Variants in FBXL13 observed in about 807,000 individuals in gnomAD.
FBXL13 encodes F-box and leucine-rich repeat protein 13.
Under a neutral mutation model 83.6 loss-of-function variants are expected in FBXL13, and 67 were observed. The ratio of observed to expected loss-of-function variants is 0.80; its 90% CI spans 0.66 to 0.98. The LOEUF is 0.98. Among genes scored for constraint, FBXL13 ranks in the 50% least tolerant of loss-of-function variants. FBXL13 has a pLI of 0.00. For missense variants in FBXL13, 822 were observed against 866.5 expected, an observed-to-expected ratio of 0.95 and a Z score of 0.64; for synonymous variants, 272 against 299.5, an observed-to-expected ratio of 0.91 and a Z score of 0.95.
intron 11 of FBXL13, among the ~76,000 whole-genome samples, chr7:102,900,258 T>C (rs1361014172): frequency 6.6e-6 from 1 of 152,200 alleles, no homozygotes; most frequent in African/African-American, 2.4e-5. Flanking sequence ...CCATGACATA[T>C]TTTGTTTACG....
intron 10 of FBXL13, among the ~76,000 whole-genome samples, chr7:102,924,766 G>A (rs1456588758): frequency 6.7e-6 from 1 of 149,078 alleles, no homozygotes; most frequent in Non-Finnish European, 1.5e-5. Context: ...CTCAGCCTCC[G>A]AGTAGCTGGG....
intron 6 of FBXL13, chr7:102,975,827 A>G (rs1334746798): frequency 1.1e-5 from 7 of 637,404 alleles, no homozygotes; most frequent in East Asian, 7.9e-5. Context: ...GTCTTTAACA[A>G]TCGTGATGAG....
At chr7:102,875,497 T>C (rs1809101250) in intron 16 of FBXL13, among the ~76,000 whole-genome samples, 1 of 152,066 alleles carries the variant, frequency 6.6e-6, no homozygotes, top group Admixed American at 6.6e-5. Context: ...AGAGAGAAAG[T>C]TGGAACCCCC....
chr7:103,006,299 G>T (rs185231578), intron 6 of FBXL13, among the ~76,000 whole-genome samples: 6 of 152,150 alleles, frequency 3.9e-5, no homozygotes, highest in African/African-American at 1.4e-4. Context: ...GTCTTTGACC[G>T]TATTCTAAGC....
At chr7:102,883,507 T>C in intron 13 of FBXL13, 40 bp from the exon 15 acceptor site, 1 of 1,595,892 alleles carries the variant, frequency 6.3e-7, no homozygotes, top group South Asian at 1.1e-5. Context: ...GTATTGTATT[T>C]AGAATGCCAC....
At chr7:102,956,557 T>G (rs1824304424) in intron 8 of FBXL13, among the ~76,000 whole-genome samples, 2 of 152,076 alleles carry the variant, frequency 1.3e-5, no homozygotes, top group African/African-American at 4.8e-5. Flanking sequence ...GAGAAAGAAA[T>G]AAAGGGTATT....
chr7:102,975,752 A>T, intron 6 of FBXL13: 1 of 591,234 alleles, frequency 1.7e-6, no homozygotes, highest in Non-Finnish European at 3.0e-6. Flanking sequence ...ATTCAGCGCC[A>T]GCTTCAAAAA....
At chr7:102,835,587 GAAGT>G (rs1322410322) in intron 17 of FBXL13, among the ~76,000 whole-genome samples, 2 of 144,866 alleles carry the variant, frequency 1.4e-5, no homozygotes, top group African/African-American at 5.0e-5. Context: ...TATGTTGCAA[GAAGT>G]AAGGTGACAT....
At chr7:103,002,315 A>G (rs1790486743) in intron 6 of FBXL13, among the ~76,000 whole-genome samples, 1 of 152,132 alleles carries the variant, frequency 6.6e-6, no homozygotes, top group Non-Finnish European at 1.5e-5. Flanking sequence ...CTTTAACTCA[A>G]TCTACCACTT....
At chr7:103,058,624 AG>A (rs1270361025) in intron 1 of FBXL13, among the ~76,000 whole-genome samples, 1 of 152,148 alleles carries the variant, frequency 6.6e-6, no homozygotes, top group Non-Finnish European at 1.5e-5. Context: ...TGGCACCCTG[AG>A]GACATCTATA....
At chr7:102,840,200 A>G (rs1219618220) in intron 17 of FBXL13, among the ~76,000 whole-genome samples, 1 of 152,250 alleles carries the variant, frequency 6.6e-6, no homozygotes. Flanking sequence ...GACCAAAACA[A>G]AATGTCTTTG....
intron 19 of FBXL13, chr7:102,816,272 C>G (rs932900972): frequency 2.6e-5 from 4 of 152,200 alleles, no homozygotes; most frequent in African/African-American, 9.7e-5. Flanking sequence ...CTTCCTCCAC[C>G]TGGTATGTCT....
intron 17 of FBXL13, among the ~76,000 whole-genome samples, chr7:102,845,010 G>A (rs1803677248): frequency 6.6e-6 from 1 of 152,184 alleles, no homozygotes; most frequent in Admixed American, 6.5e-5. Flanking sequence ...TCCCCACAGA[G>A]TTGGAGTGCA....
intron 6 of FBXL13, among the ~76,000 whole-genome samples, chr7:103,000,342 C>T (rs928572907): frequency 1.3e-5 from 2 of 152,084 alleles, no homozygotes; most frequent in African/African-American, 2.4e-5. Flanking sequence ...AAGACCCTTA[C>T]TCTATTTTTT....
chr7:102,903,870 T>C (rs1813293874), intron 11 of FBXL13, among the ~76,000 whole-genome samples: 1 of 151,672 alleles, frequency 6.6e-6, no homozygotes, highest in South Asian at 2.1e-4. Flanking sequence ...TTCAGTTTGC[T>C]AGTAGTTTTT....
At chr7:102,955,628 G>C (rs969843555) in intron 8 of FBXL13, among the ~76,000 whole-genome samples, 1 of 149,556 alleles carries the variant, frequency 6.7e-6, no homozygotes, top group Non-Finnish European at 1.5e-5. Flanking sequence ...CAACAGAATT[G>C]ACAGACTGCT....
intron 18 of FBXL13, chr7:102,822,451 G>T: frequency 1.6e-6 from 1 of 622,860 alleles, no homozygotes; most frequent in East Asian, 3.4e-5. Context: ...CTTCTCACAT[G>T]GCAGAGAGAG....
chr7:102,957,775 A>T (rs1045980768), intron 8 of FBXL13, among the ~76,000 whole-genome samples: 3 of 152,218 alleles, frequency 2.0e-5, no homozygotes, highest in Non-Finnish European at 2.9e-5. Context: ...GCCAACAGAG[A>T]CATGAAAAAA....
chr7:103,018,448 T>A (rs542886971), intron 6 of FBXL13, among the ~76,000 whole-genome samples: 48 of 152,262 alleles, frequency 3.2e-4, no homozygotes, highest in African/African-American at 1.2e-3. Context: ...AACATCATAA[T>A]GACAGGATCA....
Sources: allele counts gnomAD v4.1 joint callset (sites outside exome capture counted in the v4.1 genomes callset), GRCh38; gene constraint gnomAD v4.1.1; transcripts MANE v1.5; gene names NCBI Gene and HGNC (gene_info 2026-07-23, HGNC 2026-07-21).